The following SLC7A14 variants were observed in gnomAD, a reference collection of about 807,000 sequenced individuals.
SLC7A14 encodes gamma-aminobutyric acid transporter SLC7A14.
Under a neutral mutation model 60.2 loss-of-function variants are expected in SLC7A14, and 37 were observed. That is an observed-to-expected ratio of 0.61 (90% CI 0.47 to 0.81). SLC7A14 has a LOEUF of 0.81. SLC7A14 is among the 30% of genes least tolerant of loss of function. The pLI, the probability that SLC7A14 is intolerant of heterozygous loss-of-function variation, is 0.00. For synonymous variants in SLC7A14, 399 were observed against 395.8 expected (o/e 1.01, Z -0.10); for missense variants, 886 against 982.7 (o/e 0.90, Z 1.32).
chr3:170,471,925 CA>C (rs1739921632), intron 7 of SLC7A14, among the ~76,000 whole-genome samples: 1 of 151,972 alleles, frequency 6.6e-6, no homozygotes. Flanking sequence ...GGTGTGATGG[CA>C]AAAATCAGAG....
chr3:170,583,505 T>G (rs1006699495), intron 1 of SLC7A14, among the ~76,000 whole-genome samples: 1 of 152,170 alleles, frequency 6.6e-6, no homozygotes, highest in Non-Finnish European at 1.5e-5. Context: ...CATGAAATAG[T>G]GGGAAAGGCC....
intron 1 of SLC7A14, among the ~76,000 whole-genome samples, chr3:170,540,199 G>C (rs576235473): frequency 6.6e-6 from 1 of 152,188 alleles, no homozygotes; most frequent in Non-Finnish European, 1.5e-5. Flanking sequence ...TTTGTTTCTG[G>C]AATTTTCCAT....
chr3:170,493,709 A>C (rs1712295091), intron 4 of SLC7A14, among the ~76,000 whole-genome samples: 1 of 152,182 alleles, frequency 6.6e-6, no homozygotes, highest in South Asian at 2.1e-4. Flanking sequence ...ATAGGGTCTA[A>C]ATTCAAAATG....
chr3:170,516,949 A>G (rs1367555176), intron 2 of SLC7A14, among the ~76,000 whole-genome samples: 14 of 152,174 alleles, frequency 9.2e-5, no homozygotes, highest in Admixed American at 8.5e-4. Context: ...CAAAATAAGT[A>G]TGATAATGGC....
intron 1 of SLC7A14, among the ~76,000 whole-genome samples, chr3:170,533,673 G>GTGTA (rs1553872460): frequency 6.6e-6 from 1 of 151,558 alleles, no homozygotes; most frequent in East Asian, 1.9e-4. Context: ...GTGTGTGTGT[G>GTGTA]TGTGTGGTGT....
intron 7 of SLC7A14, among the ~76,000 whole-genome samples, chr3:170,470,276 G>A (rs1739852085): frequency 6.6e-6 from 1 of 150,740 alleles, no homozygotes; most frequent in African/African-American, 2.4e-5. Context: ...GTTTACATGT[G>A]TTCTTTGGGA....
chr3:170,578,141 C>G (rs1029807758), intron 1 of SLC7A14, among the ~76,000 whole-genome samples: 1 of 152,210 alleles, frequency 6.6e-6, no homozygotes, highest in Non-Finnish European at 1.5e-5. Flanking sequence ...CTGGATTGAT[C>G]CTGCACCAGC....
At chr3:170,575,086 A>C (rs1438034423) in intron 1 of SLC7A14, among the ~76,000 whole-genome samples, 1 of 152,242 alleles carries the variant, frequency 6.6e-6, no homozygotes, top group Non-Finnish European at 1.5e-5. Flanking sequence ...TATAAGGTGA[A>C]ATTTAAGACC....
chr3:170,555,803 G>C (rs781225517), intron 1 of SLC7A14, among the ~76,000 whole-genome samples: 6 of 152,104 alleles, frequency 3.9e-5, no homozygotes, highest in Non-Finnish European at 8.8e-5. Context: ...CCATTATATA[G>C]CACATGACTA....
intron 7 of SLC7A14, among the ~76,000 whole-genome samples, chr3:170,477,511 A>C (rs1400662913): frequency 6.6e-6 from 1 of 152,240 alleles, no homozygotes; most frequent in African/African-American, 2.4e-5. Flanking sequence ...TTACATAAAT[A>C]AGTAAGTGAA....
chr3:170,520,339 C>G (rs1171702404), intron 2 of SLC7A14, among the ~76,000 whole-genome samples: 2 of 152,192 alleles, frequency 1.3e-5, no homozygotes, highest in African/African-American at 4.8e-5. Context: ...AAAGTAGGTA[C>G]TCAATAAGTG....
intron 1 of SLC7A14, among the ~76,000 whole-genome samples, chr3:170,531,992 C>T (rs1423603517): frequency 2.0e-5 from 3 of 152,098 alleles, no homozygotes; most frequent in African/African-American, 7.2e-5. Flanking sequence ...CTAGAGACTG[C>T]CTTTGGAGGT....
At chr3:170,574,934 C>G (rs1715050340) in intron 1 of SLC7A14, among the ~76,000 whole-genome samples, 1 of 152,198 alleles carries the variant, frequency 6.6e-6, no homozygotes, top group African/African-American at 2.4e-5. Context: ...TTTCTATTCT[C>G]ATCAACTGAA....
intron 1 of SLC7A14, among the ~76,000 whole-genome samples, chr3:170,572,796 T>A (rs1714990876): frequency 6.6e-6 from 1 of 152,240 alleles, no homozygotes; most frequent in Non-Finnish European, 1.5e-5. Context: ...TTCCTCTGCA[T>A]TGTGATGCTG....
chr3:170,578,616 T>C (rs1434860359), intron 1 of SLC7A14, among the ~76,000 whole-genome samples: 2 of 152,222 alleles, frequency 1.3e-5, no homozygotes, highest in Non-Finnish European at 2.9e-5. Context: ...TATAAAGTCA[T>C]AGTAATTGTA....
chr3:170,533,719 C>T (rs994889655), intron 1 of SLC7A14, among the ~76,000 whole-genome samples: 17 of 152,106 alleles, frequency 1.1e-4, no homozygotes, highest in African/African-American at 3.9e-4. Flanking sequence ...TGCACAAGCA[C>T]GTGCCTCTTA....
At chr3:170,479,069 C>T (rs913051688) in intron 7 of SLC7A14, among the ~76,000 whole-genome samples, 10 of 152,064 alleles carry the variant, frequency 6.6e-5, no homozygotes, top group Non-Finnish European at 8.8e-5. Context: ...TTGCAGTGGG[C>T]CATGATCAAG....
rs141849299 is a variant in SLC7A14, at chr3:170,472,042, G to T, written c.1994-4665C>A. On this transcript the variant is annotated intron_variant, in intron 7 of 7. Transcript: ENST00000231706. ...TGGTGGGGGTGCGTGGTGTGTGCAG[G>T]AAAGTGACTAGTTAGCAGTAAACAC... Among the ~76,000 whole-genome samples, 649 of 152,192 alleles carry T rather than the reference G, an allele frequency of 4.3e-3. 3 individuals are homozygous for T. The highest frequency in any genetic ancestry group is 0.015 in the African/African-American group (603 of 41,510).
intron 1 of SLC7A14, among the ~76,000 whole-genome samples, chr3:170,531,704 T>C (rs980083042): frequency 2.0e-5 from 3 of 152,176 alleles, no homozygotes; most frequent in Admixed American, 2.0e-4. Context: ...TCAAATATAG[T>C]TTTGGAAGCT....
Sources: allele counts gnomAD v4.1 joint callset (sites outside exome capture counted in the v4.1 genomes callset), GRCh38; gene constraint gnomAD v4.1.1; transcripts MANE v1.5; gene names NCBI Gene and HGNC (gene_info 2026-07-23, HGNC 2026-07-21).